ABCC4: variants seen among roughly 807,000 people sequenced by gnomAD.
The protein encoded by ABCC4 is ATP binding cassette subfamily C member 4 (PEL blood group), also known as ATP-binding cassette sub-family C member 4.
A neutral mutation model predicts 168.5 loss-of-function variants in ABCC4; 102 were observed. The observed-to-expected ratio is 0.61, with a 90% CI of 0.52 to 0.71. The LOEUF (loss-of-function observed/expected upper bound fraction) is 0.71, where lower values mean the gene tolerates loss of function less well. Ranked by LOEUF, ABCC4 falls within the 30% of genes least tolerant of loss-of-function variation. The pLI, the probability that ABCC4 is intolerant of heterozygous loss-of-function variation, is 0.00. For missense variants in ABCC4, 1,402 were observed against 1,605.8 expected (o/e 0.87, Z 2.17); for synonymous variants, 617 against 590.7 (o/e 1.04, Z -0.65).
chr13:95,044,207 G>A (rs1419575741), intron 28 of ABCC4, 59 bp downstream of exon 28: 24 of 1,430,562 alleles, frequency 1.7e-5, no homozygotes, highest in Non-Finnish European at 3.7e-6. Flanking sequence ...ATCATTCCAT[G>A]TTTCCCATTT....
rs568004891 is a variant in ABCC4, at chr13:95,062,865, G to A, written c.3211-6C>T. The A allele has an allele frequency of 5.5e-5, 87 of 1,592,376 alleles. No individual in the cohort carries two copies. Among genetic ancestry groups the A allele is most frequent in the South Asian group, 3.5e-4 (31 of 87,536 alleles). On this transcript the variant is annotated splice_region_variant and splice_polypyrimidine_tract_variant and intron_variant, in intron 25 of 30. Coordinates refer to ENST00000645237, the MANE Select transcript of ABCC4 (RefSeq NM_005845.5). The stretch of plus-strand genomic sequence containing the variant: ...GTTCTTCCCACAATGCCAACCTACA[G>A]AGAGATCCAGGCGGCAGGATTAAAA...
chr13:95,196,566 G>A (rs1319543748), intron 8 of ABCC4, among the ~76,000 whole-genome samples: 4 of 107,636 alleles, frequency 3.7e-5, no homozygotes, highest in Non-Finnish European at 6.7e-5. Flanking sequence ...AAAAGGAAAG[G>A]AGGAAAGGAG....
At chr13:95,137,488 T>C (rs977620013) in intron 19 of ABCC4, among the ~76,000 whole-genome samples, 1 of 152,220 alleles carries the variant, frequency 6.6e-6, no homozygotes, top group African/African-American at 2.4e-5. Context: ...ATGGACAGTC[T>C]AAAATTCTAC....
chr13:95,263,379 A>T (rs1465031364), intron 1 of ABCC4, among the ~76,000 whole-genome samples: 1 of 152,218 alleles, frequency 6.6e-6, no homozygotes, highest in Non-Finnish European at 1.5e-5. Flanking sequence ...GAGCTCCACT[A>T]GTAACAAGAA....
rs1023992632 is a variant in ABCC4 at position 95,170,561 on chromosome 13, C to T, written c.1795G>A (p.Ala599Thr). 6.2e-7 allele frequency: 1 copy of T among 1,611,696 alleles called. No individual in the cohort carries two copies. The highest frequency in any genetic ancestry group is 1.3e-5 in the African/African-American group (1 of 74,900). Residue 599 changes from alanine (A) to threonine (T), a missense_variant, in exon 14 of 31, where the codon GCT becomes ACT. Around this residue, in one of 3 missense-constraint regions of ABCC4, gnomAD observed 1,007 missense variants for 1,127.3 expected, o/e 0.89. Transcript: ENST00000645237. ...LVTHQLQYLKAASQILILKDG... is the reference protein window; with the variant it reads ...LVTHQLQYLKTASQILILKDG... Reference sequence around the variant, plus strand: ...TTCAATATCAGAATCTGACTTGCAGCTTTGAGGTACTGCAACTGATGAGTC... The same window carrying T: ...TTCAATATCAGAATCTGACTTGCAGTTTTGAGGTACTGCAACTGATGAGTC...
At chr13:95,024,247 CT>C (rs1290939194) in intron 30 of ABCC4, among the ~76,000 whole-genome samples, 1 of 148,034 alleles carries the variant, frequency 6.8e-6, no homozygotes, top group African/African-American at 2.5e-5. Context: ...GCTTCTTGTA[CT>C]TTAGCATTTT....
chr13:95,200,357 T>A (rs1223635403), intron 8 of ABCC4, among the ~76,000 whole-genome samples: 1 of 152,180 alleles, frequency 6.6e-6, no homozygotes, highest in Non-Finnish European at 1.5e-5. Context: ...ACCTCATGCG[T>A]TTTTTTATCA....
At chr13:95,300,824 C>A (rs1254591931) in intron 1 of ABCC4, among the ~76,000 whole-genome samples, 1 of 152,220 alleles carries the variant, frequency 6.6e-6, no homozygotes, top group Non-Finnish European at 1.5e-5. Flanking sequence ...CAGGAGACTG[C>A]GAGTCCCAGA....
At chr13:95,067,214 T>C (rs1292835441) in intron 25 of ABCC4, among the ~76,000 whole-genome samples, 1 of 152,106 alleles carries the variant, frequency 6.6e-6, no homozygotes, top group Non-Finnish European at 1.5e-5. Context: ...TATGGTGGGA[T>C]GAAAACTGTG....
intron 1 of ABCC4, among the ~76,000 whole-genome samples, chr13:95,300,541 G>A (rs2041648132): frequency 6.6e-6 from 1 of 152,100 alleles, no homozygotes; most frequent in South Asian, 2.1e-4. Context: ...TAGGTACCAC[G>A]ACCCACATGG....
At chr13:95,164,256 T>G in intron 16 of ABCC4, 122 bp downstream of exon 16, 1 of 1,255,054 alleles carries the variant, frequency 8.0e-7, no homozygotes, top group Non-Finnish European at 1.1e-6. Context: ...CCTCACTTTG[T>G]TCCCCAAAGA....
rs56087278 is a variant in ABCC4, at chr13:95,072,452, A to G, written c.3019-599T>C. 3.7e-3 allele frequency among the ~76,000 whole-genome samples: 558 copies of G among 152,006 alleles called. 3 individuals are homozygous for G. The highest frequency in any genetic ancestry group is 0.013 in the African/African-American group (548 of 41,484). On this transcript the variant is annotated intron_variant, in intron 24 of 30. Transcript: ENST00000645237. ...CTCCAGCCTGGGGTACAAGAGCAAA[A>G]CTCTGTCCCCTCACCCCTACCCCCC...
chr13:95,149,012 T>C (rs573288106), intron 19 of ABCC4: 2 of 152,322 alleles, frequency 1.3e-5, no homozygotes, highest in Admixed American at 6.5e-5. Flanking sequence ...GTTCAGTTTT[T>C]AAAATTCTCT....
intron 4 of ABCC4, among the ~76,000 whole-genome samples, chr13:95,224,461 T>G (rs4773851): frequency 1 from 152,099 of 152,340 alleles, 75,929 homozygotes; most frequent in Non-Finnish European, 1. Flanking sequence ...TGTTGGCCAG[T>G]CGTGGTGGCT....
At chr13:95,047,329 G>A (rs1300267934) in intron 27 of ABCC4, among the ~76,000 whole-genome samples, 1 of 152,092 alleles carries the variant, frequency 6.6e-6, no homozygotes, top group East Asian at 1.9e-4. Flanking sequence ...TTTTGAAGAT[G>A]TTTATCTCCT....
intron 19 of ABCC4, among the ~76,000 whole-genome samples, chr13:95,160,782 G>A (rs1191366290): frequency 2.0e-5 from 3 of 152,180 alleles, no homozygotes; most frequent in African/African-American, 7.2e-5. Context: ...GAGCATTCCT[G>A]ATTACAAAGA....
chr13:95,142,979 T>A (rs2036369827), intron 19 of ABCC4, among the ~76,000 whole-genome samples: 1 of 151,828 alleles, frequency 6.6e-6, no homozygotes. Flanking sequence ...GATTTATGGG[T>A]GGAGGAGGGC....
At chr13:95,092,580 A>G (rs1205959884) in intron 20 of ABCC4, among the ~76,000 whole-genome samples, 2 of 152,162 alleles carry the variant, frequency 1.3e-5, no homozygotes, top group Admixed American at 1.3e-4. Context: ...CAAAGGCAGT[A>G]CTAAGAGGAA....
At chr13:95,224,121 A>G (rs189276665) in intron 4 of ABCC4, among the ~76,000 whole-genome samples, 179 of 152,060 alleles carry the variant, frequency 1.2e-3, no homozygotes, top group African/African-American at 4.2e-3. Context: ...AACTCCGAGA[A>G]GTATAAATAC....
Sources: allele counts gnomAD v4.1 joint callset (sites outside exome capture counted in the v4.1 genomes callset), GRCh38; gene constraint gnomAD v4.1.1; regional missense constraint gnomAD v4.1.1; transcripts MANE v1.5; gene names NCBI Gene and HGNC (gene_info 2026-07-23, HGNC 2026-07-21).